TRPM3: variants seen among roughly 807,000 people sequenced by gnomAD.
The protein encoded by TRPM3 is transient receptor potential cation channel subfamily M member 3, also known as long transient receptor potential channel 3.
TRPM3 carries 77 observed loss-of-function variants against 181.2 expected under a neutral mutation model. The ratio of observed to expected loss-of-function variants is 0.42; its 90% CI spans 0.35 to 0.51. The LOEUF is 0.51. Among genes scored for constraint, TRPM3 ranks in the 20% least tolerant of loss-of-function variants. The pLI is 0.01. For missense variants in TRPM3, 1,759 were observed against 2,196.7 expected, an observed-to-expected ratio of 0.80 and a Z score of 3.98; for synonymous variants, 745 against 796.4, an observed-to-expected ratio of 0.94 and a Z score of 1.09.
chr9:71,098,670 A>G (rs75370868), intron 1 of TRPM3, among the ~76,000 whole-genome samples: 2,637 of 152,276 alleles, frequency 0.017, 26 homozygotes, highest in Admixed American at 0.029. Flanking sequence ...AAAATTCTAG[A>G]TAACTCCCAT....
chr9:71,162,593 T>C (rs2076335501), intron 1 of TRPM3, among the ~76,000 whole-genome samples: 1 of 152,148 alleles, frequency 6.6e-6, no homozygotes, highest in African/African-American at 2.4e-5. Flanking sequence ...CAAAATTAAA[T>C]TACACAAGTG....
intron 1 of TRPM3, among the ~76,000 whole-genome samples, chr9:71,054,015 G>A (rs190130551): frequency 3.9e-5 from 6 of 152,240 alleles, no homozygotes; most frequent in African/African-American, 1.2e-4. Context: ...AATTCAGCAC[G>A]ACTTTGCAGG....
intron 9 of TRPM3, among the ~76,000 whole-genome samples, chr9:70,659,817 C>A (rs567535361): frequency 1.8e-4 from 27 of 152,266 alleles, no homozygotes; most frequent in African/African-American, 6.5e-4. Flanking sequence ...TTTCATAAAG[C>A]CCTGTGAACT....
chr9:70,636,692 C>CTTTTTTTTTTTTTTTTTTT (rs11380206), intron 11 of TRPM3, among the ~76,000 whole-genome samples: 1 of 135,154 alleles, frequency 7.4e-6, no homozygotes. Flanking sequence ...ATAGTGATGG[C>CTTTTTTTTTTTTTTTTTTT]TTTTTTTTTT....
At chr9:71,374,798 C>T (rs375115754) in intron 1 of TRPM3, among the ~76,000 whole-genome samples, 40 of 152,226 alleles carry the variant, frequency 2.6e-4, no homozygotes, top group African/African-American at 7.7e-4. Context: ...TCCTATACAT[C>T]AACAACAGAC....
At chr9:71,037,686 A>T (rs576515688) in intron 1 of TRPM3, among the ~76,000 whole-genome samples, 1 of 152,350 alleles carries the variant, frequency 6.6e-6, no homozygotes, top group South Asian at 2.1e-4. Context: ...CCTGCAGAAC[A>T]TCGGCATGAT....
intron 1 of TRPM3, among the ~76,000 whole-genome samples, chr9:71,208,214 A>G (rs187847353): frequency 3.3e-5 from 5 of 152,316 alleles, no homozygotes; most frequent in African/African-American, 1.2e-4. Context: ...TACCTGCCTG[A>G]TAACAATTGA....
intron 1 of TRPM3, among the ~76,000 whole-genome samples, chr9:71,098,864 T>C (rs1246697886): frequency 2.0e-5 from 3 of 152,158 alleles, no homozygotes; most frequent in African/African-American, 4.8e-5. Flanking sequence ...CAAATGTCAC[T>C]ACATCCAGAC....
chr9:70,539,975 T>C (rs1454787213), intron 25 of TRPM3, among the ~76,000 whole-genome samples: 1 of 152,138 alleles, frequency 6.6e-6, no homozygotes, highest in Non-Finnish European at 1.5e-5. Context: ...GCTGGGACTA[T>C]AGGTGAGCAC....
chr9:70,955,971 C>A (rs2097065166), intron 1 of TRPM3, among the ~76,000 whole-genome samples: 1 of 152,158 alleles, frequency 6.6e-6, no homozygotes, highest in Non-Finnish European at 1.5e-5. Flanking sequence ...CTCTGACAAC[C>A]TTTCAGTGGC....
chr9:70,766,120 G>A (rs1349758847), intron 7 of TRPM3, among the ~76,000 whole-genome samples: 2 of 152,100 alleles, frequency 1.3e-5, no homozygotes, highest in African/African-American at 2.4e-5. Context: ...TATGGCATTT[G>A]TGTCTCCATT....
chr9:70,899,877 C>T (rs891475169), intron 1 of TRPM3, among the ~76,000 whole-genome samples: 15 of 152,148 alleles, frequency 9.9e-5, no homozygotes, highest in African/African-American at 3.6e-4. Context: ...GACCAATCAA[C>T]CAATCACTGG....
intron 9 of TRPM3, among the ~76,000 whole-genome samples, chr9:70,675,613 GT>G (rs1282750257): frequency 6.6e-6 from 1 of 152,006 alleles, no homozygotes; most frequent in Non-Finnish European, 1.5e-5. Context: ...ATTTCATACA[GT>G]TTTTTTAGTT....
At chr9:71,224,184 C>T (rs761519862) in intron 1 of TRPM3, among the ~76,000 whole-genome samples, 6 of 152,198 alleles carry the variant, frequency 3.9e-5, no homozygotes, top group Non-Finnish European at 8.8e-5. Context: ...CTCCAGGCAG[C>T]TCAGCACATA....
chr9:70,970,404 C>G lies in TRPM3; in HGVS notation c.178-105893G>C, dbSNP rs1338379680. ...GACTAATTCCTCAATTAAATCCGTA[C>G]AAAGGTTGTCAGTCACTCCTTCTGG... On this transcript the variant is annotated intron_variant, in intron 1 of 25. Coordinates refer to ENST00000677713, the MANE Select transcript of TRPM3 (RefSeq NM_001366145.2). 2.3e-4 allele frequency among the ~76,000 whole-genome samples: 35 copies of G among 152,142 alleles called. 1 individual carries two copies. The highest frequency in any genetic ancestry group is 2.9e-5 in the Non-Finnish European group (2 of 68,030).
chr9:70,581,948 TCTTCTC>T (rs989023470), intron 22 of TRPM3, among the ~76,000 whole-genome samples: 12 of 113,968 alleles, frequency 1.1e-4, no homozygotes, highest in Non-Finnish European at 2.2e-4. Flanking sequence ...TTTTTCCTTG[TCTTCTC>T]CTTCCTTTCT....
chr9:70,561,188 C>T (rs1254772658), intron 22 of TRPM3, among the ~76,000 whole-genome samples: 1 of 152,188 alleles, frequency 6.6e-6, no homozygotes, highest in Non-Finnish European at 1.5e-5. Flanking sequence ...ATCTAAAAAT[C>T]CATCTTGAAA....
intron 1 of TRPM3, among the ~76,000 whole-genome samples, chr9:70,912,095 G>C (rs147270204): frequency 6.4e-4 from 97 of 152,296 alleles, no homozygotes; most frequent in Admixed American, 2.7e-3. Context: ...ATTCCTTCAT[G>C]AGTGTCTCAA....
rs2060600661 is a variant in TRPM3 at position 70,604,268 on chromosome 9, C to CAAGGTG, written c.2668-799_2668-798insCACCTT. Reference sequence around the variant, plus strand: ...GTTTGGTGACTGCTCCTGGAAGATTCAGTTGTGTCAAGGTGAGTGAAGTGC... The same window carrying CAAGGTG: ...GTTTGGTGACTGCTCCTGGAAGATTCAAGGTGAGTTGTGTCAAGGTGAGTGAAGTGC... On this transcript the variant is annotated intron_variant, in intron 19 of 25. Coordinates refer to ENST00000677713, the MANE Select transcript of TRPM3 (RefSeq NM_001366145.2). 2.0e-5 allele frequency among the ~76,000 whole-genome samples: 3 copies of CAAGGTG among 152,266 alleles called. No homozygotes were observed. The South Asian group carries it at 6.2e-4, about 32-fold the overall frequency.
Sources: allele counts gnomAD v4.1 joint callset (sites outside exome capture counted in the v4.1 genomes callset), GRCh38; gene constraint gnomAD v4.1.1; transcripts MANE v1.5; gene names NCBI Gene and HGNC (gene_info 2026-07-23, HGNC 2026-07-21).